CFAP20DC: variants seen among roughly 807,000 people sequenced by gnomAD.
CFAP20DC encodes CFAP20 domain containing.
Under a neutral mutation model 101.7 loss-of-function variants are expected in CFAP20DC, and 84 were observed. The observed-to-expected ratio is 0.83, with a 90% confidence interval of 0.69 to 0.99. The LOEUF (loss-of-function observed/expected upper bound fraction) is 0.99. CFAP20DC is among the 50% of genes least tolerant of loss of function. CFAP20DC has a pLI of 0.00. For synonymous variants in CFAP20DC, 359 were observed against 351.2 expected (o/e 1.02, Z -0.25); for missense variants, 1,007 against 970.3 (o/e 1.04, Z -0.50).
chr3:58,734,811 A>T (rs1328081938), intron 3 of CFAP20DC, among the ~76,000 whole-genome samples: 3 of 152,072 alleles, frequency 2.0e-5, no homozygotes, highest in African/African-American at 7.2e-5. Context: ...CTTACCATTC[A>T]AGGCTGTGTA....
At chr3:58,774,870 C>T (rs562146388) in intron 15 of CFAP20DC, among the ~76,000 whole-genome samples, 10 of 152,296 alleles carry the variant, frequency 6.6e-5, no homozygotes, top group East Asian at 1.9e-4. Context: ...TGTGGCCAAA[C>T]GCTGTCTGGA....
At chr3:58,794,247 A>G (rs1468939437) in intron 15 of CFAP20DC, 2 of 433,492 alleles carry the variant, frequency 4.6e-6, no homozygotes, top group African/African-American at 2.0e-5. Flanking sequence ...TCCCATGCCT[A>G]CACCAAACAT....
intron 4 of CFAP20DC, among the ~76,000 whole-genome samples, chr3:58,975,723 C>A (rs2092240635): frequency 6.6e-6 from 1 of 151,988 alleles, no homozygotes. Flanking sequence ...TTTTCTATAG[C>A]AATAGCCTAA....
At chr3:58,969,521 A>G (rs1462877235) in intron 4 of CFAP20DC, among the ~76,000 whole-genome samples, 1 of 152,204 alleles carries the variant, frequency 6.6e-6, no homozygotes, top group Non-Finnish European at 1.5e-5. Flanking sequence ...TGGTATATGA[A>G]TTGTTCATAG....
At chr3:58,807,937 T>C (rs893662454) in intron 14 of CFAP20DC, among the ~76,000 whole-genome samples, 1 of 152,106 alleles carries the variant, frequency 6.6e-6, no homozygotes, top group Admixed American at 6.5e-5. Flanking sequence ...CAGGAGCCCA[T>C]GTGATCAACT....
rs1386910805 is a variant in CFAP20DC, at chr3:58,729,908, C to T, written c.198-12280G>A. On this transcript the variant is annotated intron_variant, in intron 3 of 3. Coordinates refer to the CFAP20DC transcript ENST00000486145. This position sits in a 1 kb window ranked among gnomAD's most constrained non-coding sequence, Gnocchi z 4.4. ...TGGTGCGCACCTGTAATCCCAGCTA[C>T]TTGGGAGGCTGAGGCAGGAGAATCA... 6.6e-6 allele frequency among the ~76,000 whole-genome samples: 1 copy of T among 150,822 alleles called. No individual in the cohort carries two copies. Among genetic ancestry groups the T allele is most frequent in the Admixed American group, 6.7e-5 (1 of 15,034 alleles).
At position 59,049,699 on chromosome 3, in the gene CFAP20DC, C is replaced by G. The variant is rs77297879; in HGVS notation, c.-68G>C. The G allele has an allele frequency of 1.2e-5, 19 of 1,520,302 alleles. No individual in the cohort carries two copies. In the Admixed American group the frequency reaches 3.8e-4, roughly 31 times the overall value. 94.2% of individuals were successfully genotyped at this position (1,520,302 alleles called of 1,614,324 possible). A position where few individuals can be genotyped will look rare whatever the true frequency, so the allele number is the denominator to read the frequency against. On this transcript the variant is annotated 5_prime_UTR_variant, in exon 1 of 17. Transcript: ENST00000482387. The stretch of plus-strand genomic sequence containing the variant: ...TTTCCAGCGAGTGGCGTGACCCTGA[C>G]GGCTGGAAATCGGCTGGCGGGAACC...
chr3:58,872,276 C>G (rs2080291109), intron 7 of CFAP20DC, among the ~76,000 whole-genome samples: 1 of 152,078 alleles, frequency 6.6e-6, no homozygotes, highest in African/African-American at 2.4e-5. Context: ...TGACCTACTC[C>G]CTGCAAAAAT....
chr3:58,870,691 A>G (rs2080102654), intron 7 of CFAP20DC, among the ~76,000 whole-genome samples: 1 of 149,736 alleles, frequency 6.7e-6, no homozygotes, highest in African/African-American at 2.4e-5. Flanking sequence ...GATCGAGACC[A>G]TCCTGGCTAA....
chr3:58,979,588 C>G (rs911127164), intron 4 of CFAP20DC, among the ~76,000 whole-genome samples: 1 of 152,144 alleles, frequency 6.6e-6, no homozygotes, highest in Non-Finnish European at 1.5e-5. Flanking sequence ...AAGAGAACGT[C>G]AACTCTGCTT....
At chr3:58,920,700 G>A (rs1270473235) in intron 5 of CFAP20DC, among the ~76,000 whole-genome samples, 1 of 152,140 alleles carries the variant, frequency 6.6e-6, no homozygotes, top group Non-Finnish European at 1.5e-5. Context: ...GGATCATGGT[G>A]TTAAGGAGCC....
At chr3:58,974,494 T>C (rs979376263) in intron 4 of CFAP20DC, among the ~76,000 whole-genome samples, 3 of 152,096 alleles carry the variant, frequency 2.0e-5, no homozygotes, top group African/African-American at 7.2e-5. Flanking sequence ...ATGTACCACA[T>C]TGTAGGATGA....
At chr3:58,990,037 G>A (rs890837516) in intron 4 of CFAP20DC, among the ~76,000 whole-genome samples, 1 of 152,102 alleles carries the variant, frequency 6.6e-6, no homozygotes, top group Non-Finnish European at 1.5e-5. Flanking sequence ...AAATGCCTAA[G>A]AGGTGCCTGC....
chr3:58,800,039 G>A lies in CFAP20DC; in HGVS notation c.2237+6356C>T, dbSNP rs535160184. On this transcript the variant is annotated intron_variant, in intron 15 of 16. Coordinates refer to ENST00000482387, the MANE Select transcript of CFAP20DC (RefSeq NM_001394063.1). ...GAAAGAGAAGGAACCAGTAGAGATC[G>A]AGCAAGGTGCTCAGTGGTGTGAAAC... Among the ~76,000 whole-genome samples the A allele has an allele frequency of 6.8e-4, 104 of 152,270 alleles. No homozygotes were observed. In the Middle Eastern group the frequency reaches 0.01, roughly 15 times the overall value.
rs2078014736 is a variant in CFAP20DC at position 58,849,338 on chromosome 3, C to T, written c.1665G>A (p.Glu555=). 1 of 1,535,998 alleles carries T rather than the reference C, an allele frequency of 6.5e-7. No homozygotes were observed. Among genetic ancestry groups the T allele is most frequent in the African/African-American group, 1.4e-5 (1 of 73,132 alleles). The change falls in exon 13 of 17, where the codon GAG becomes GAA. Residue 555 remains glutamate, a synonymous_variant. Transcript: ENST00000482387. ...GCTTTGCAGCCTTCCCCAGCAGGCTCTCTAATGTTAACTGAGTTAACTCTG... is the reference window on the plus strand; with the variant it reads ...GCTTTGCAGCCTTCCCCAGCAGGCTTTCTAATGTTAACTGAGTTAACTCTG... The part of the protein sequence containing the change: ...GPSELTQLTL[E]SLLGKAAKRT...
At chr3:58,828,346 C>G (rs879504786) in intron 14 of CFAP20DC, among the ~76,000 whole-genome samples, 2 of 152,112 alleles carry the variant, frequency 1.3e-5, no homozygotes, top group African/African-American at 4.8e-5. Flanking sequence ...GGATCTCAAC[C>G]GTGGAAATTT....
chr3:58,785,765 G>A (rs1174739249), intron 15 of CFAP20DC, among the ~76,000 whole-genome samples: 1 of 151,906 alleles, frequency 6.6e-6, no homozygotes, highest in African/African-American at 2.4e-5. Context: ...AATTGTTTTC[G>A]AGCCAAAGGC....
rs2070779524 is a variant in CFAP20DC at position 58,770,886 on chromosome 3, A to G, written c.2238-17023T>C. 3.9e-5 allele frequency among the ~76,000 whole-genome samples: 6 copies of G among 152,176 alleles called. 1 individual carries two copies. In the South Asian group the frequency reaches 1.2e-3, roughly 32 times the overall value. On this transcript the variant is annotated intron_variant, in intron 15 of 16. Transcript: ENST00000482387. ...TTGTGTAATTTAGGCAAAATAGAAT[A>G]GTGTTATTGTGGGAATTTAGTACAT... is the stretch of plus-strand genomic sequence containing the variant.
chr3:58,781,329 A>T (rs952312098), intron 15 of CFAP20DC, among the ~76,000 whole-genome samples: 1 of 152,026 alleles, frequency 6.6e-6, no homozygotes, highest in South Asian at 2.1e-4. Flanking sequence ...TACATCAAAA[A>T]AGTAGCAAAT....
Sources: gnomAD v4.1 joint callset for allele counts (sites outside exome capture counted in the v4.1 genomes callset) on GRCh38, gnomAD v4.1.1 for gene constraint, Gnocchi (gnomAD v3.1) non-coding constraint, MANE v1.5 for transcripts, NCBI Gene and HGNC (gene_info 2026-07-23, HGNC 2026-07-21) for gene names.